YIPF1: variants seen among roughly 807,000 people sequenced by gnomAD.
The protein encoded by YIPF1 is protein YIPF1.
Under a neutral mutation model 37.0 loss-of-function variants are expected in YIPF1, and 22 were observed. The ratio of observed to expected loss-of-function variants is 0.59; its 90% CI spans 0.42 to 0.85. The LOEUF (loss-of-function observed/expected upper bound fraction) is 0.85, where lower values mean the gene tolerates loss of function less well. Ranked by LOEUF, YIPF1 falls within the 40% of genes least tolerant of loss-of-function variation. The pLI is 0.00. For missense variants in YIPF1, 355 were observed against 373.1 expected (o/e 0.95, Z 0.40); for synonymous variants, 128 against 131.9 (o/e 0.97, Z 0.21).
rs753871978 is a variant in YIPF1, at chr1:53,860,064, T to C, written c.921A>G (p.Ter307=). 6.2e-7 allele frequency: 1 copy of C among 1,614,090 alleles called. No homozygotes were observed. Among genetic ancestry groups the C allele is most frequent in the South Asian group, 1.1e-5 (1 of 91,080 alleles). ...AAAATAGAATCTCTTACTTTCCTCA[T>C]TAGCTGGACTTGGCTGCAGCAACTG... ...NQTVAAAKSS[*] The change falls in exon 10 of 11, where the codon TAA becomes TAG. Residue 307 remains the stop codon, a stop_retained_variant. Coordinates refer to ENST00000072644, the MANE Select transcript of YIPF1 (RefSeq NM_018982.5).
At chr1:53,865,644 C>T (rs954646731) in intron 9 of YIPF1, among the ~76,000 whole-genome samples, 9 of 152,138 alleles carry the variant, frequency 5.9e-5, no homozygotes, top group African/African-American at 1.9e-4. Flanking sequence ...CTCATCCACA[C>T]CTATTTCCTC....
At position 53,883,261 on chromosome 1, in the gene YIPF1, G is replaced by C. The variant is rs1225041081; in HGVS notation, c.47C>G (p.Ala16Gly). The C allele has an allele frequency of 6.4e-7, 1 of 1,569,012 alleles. No homozygotes were observed. Among genetic ancestry groups the C allele is most frequent in the Admixed American group, 2.0e-5 (1 of 50,236 alleles). ...DLQFEEFGNA[A>G]TSLTANPDAT... Reference sequence around the variant, plus strand: ...ATCTGGGTTTGCTGTCAGAGAAGTGGCTGCATTGCCAAATTCTGAAATCAA... The same window carrying C: ...ATCTGGGTTTGCTGTCAGAGAAGTGCCTGCATTGCCAAATTCTGAAATCAA... Residue 16 changes from alanine (A) to glycine (G), a missense_variant, in exon 4 of 11, where the codon GCC becomes GGC. Transcript: ENST00000072644.
chr1:53,860,277 T>G, intron 9 of YIPF1, 124 bp from the exon 10 acceptor site: 1 of 826,808 alleles, frequency 1.2e-6, no homozygotes, highest in Non-Finnish European at 1.9e-6. Flanking sequence ...CTACCATATT[T>G]GCCATCACAC....
At chr1:53,853,974 G>C (rs1411704127) in intron 10 of YIPF1, among the ~76,000 whole-genome samples, 1 of 152,162 alleles carries the variant, frequency 6.6e-6, no homozygotes, top group East Asian at 1.9e-4. Context: ...TCTCAGGTAG[G>C]CATGGTGACT....
chr1:53,873,984 T>C (rs12118172), intron 6 of YIPF1, among the ~76,000 whole-genome samples: 19,965 of 152,178 alleles, frequency 0.13, 1,482 homozygotes, highest in South Asian at 0.25. Flanking sequence ...TCAGGTGGCC[T>C]GAAAGGTCCA....
At chr1:53,886,847 T>A (rs1406938237) in intron 3 of YIPF1, 1 of 152,004 alleles carries the variant, frequency 6.6e-6, no homozygotes, top group South Asian at 2.1e-4. Flanking sequence ...GAGGAGAGAT[T>A]TGAACAGAGC....
chr1:53,872,959 C>T (rs1004247021), intron 6 of YIPF1, among the ~76,000 whole-genome samples: 1 of 152,086 alleles, frequency 6.6e-6, no homozygotes, highest in Admixed American at 6.5e-5. Context: ...CCCACAAAGC[C>T]CCTATAGCCA....
rs1419618285 is a variant in YIPF1, at chr1:53,883,142, G to C, written c.166C>G (p.Leu56Val). 1.3e-6 allele frequency: 2 copies of C among 1,589,974 alleles called. No homozygotes were observed. The highest frequency in any genetic ancestry group is 1.4e-5 in the African/African-American group (1 of 73,368). ...GSGREEDDEL[L>V]GNDDSDKTEL... ...GTTTTGTCAGAGTCATCATTTCCCAGTAACTCATCATCTTCTTCTCTTCCT... is the reference window on the plus strand; with the variant it reads ...GTTTTGTCAGAGTCATCATTTCCCACTAACTCATCATCTTCTTCTCTTCCT... The change falls in exon 4 of 11, where the codon CTG becomes GTG. Residue 56 changes from leucine to valine, a missense_variant. Coordinates refer to ENST00000072644, the MANE Select transcript of YIPF1 (RefSeq NM_018982.5).
At chr1:53,859,290 T>A (rs1321120922) in intron 10 of YIPF1, among the ~76,000 whole-genome samples, 1 of 152,192 alleles carries the variant, frequency 6.6e-6, no homozygotes, top group South Asian at 2.1e-4. Flanking sequence ...GGACACATGA[T>A]TAGTCAGCCA....
At chr1:53,864,623 G>T (rs1649970376) in intron 9 of YIPF1, among the ~76,000 whole-genome samples, 3 of 152,168 alleles carry the variant, frequency 2.0e-5, no homozygotes, top group Admixed American at 1.3e-4. Context: ...ACCTGACCAA[G>T]GGTCTGGAAA....
In YIPF1 at chr1:53,871,231, A is replaced by G. The variant is rs907260965; in HGVS notation, c.481+141T>C. On this transcript the variant is annotated intron_variant, in intron 7 of 10. Transcript: ENST00000072644. ...ATAGATGGGTGGTAAACTCATCTACACATTTGAGTAGATACATTGAACCCT... is the reference window on the plus strand; with the variant it reads ...ATAGATGGGTGGTAAACTCATCTACGCATTTGAGTAGATACATTGAACCCT... 3 of 638,152 alleles carry G rather than the reference A, an allele frequency of 4.7e-6. No individual in the cohort carries two copies. The African/African-American group carries it at 5.5e-5, about 12-fold the overall frequency. 39.5% of individuals were successfully genotyped at this position (638,152 alleles called of 1,614,324 possible).
rs139260965 is a variant in YIPF1 at position 53,867,043 on chromosome 1, G to A, written c.482-119C>T. On this transcript the variant is annotated intron_variant, in intron 7 of 10. Transcript: ENST00000072644. Reference sequence around the variant, plus strand: ...TGTCAATTGACTTCAGTGGACCACGGAATCATGTCTTACTGGTCTGTAATC... The same window carrying A: ...TGTCAATTGACTTCAGTGGACCACGAAATCATGTCTTACTGGTCTGTAATC... 4.0e-4 allele frequency: 479 copies of A among 1,208,502 alleles called. 3 individuals carry two copies. In the African/African-American group the frequency reaches 6.2e-3, roughly 16 times the overall value. The allele number at this position is 1,208,502 out of a possible 1,614,324, so 74.9% of individuals were successfully genotyped here.
chr1:53,861,223 C>T (rs1165900203), intron 9 of YIPF1, among the ~76,000 whole-genome samples: 1 of 152,210 alleles, frequency 6.6e-6, no homozygotes, highest in Admixed American at 6.5e-5. Context: ...GAGGCTTCCT[C>T]CTTAGGAACC....
At chr1:53,867,647 A>G (rs1650068426) in intron 7 of YIPF1, among the ~76,000 whole-genome samples, 1 of 152,042 alleles carries the variant, frequency 6.6e-6, no homozygotes, top group Non-Finnish European at 1.5e-5. Flanking sequence ...TACAGGCGTG[A>G]GCCACCACGC....
intron 10 of YIPF1, among the ~76,000 whole-genome samples, chr1:53,853,812 CTAAA>C (rs969291367): frequency 6.6e-6 from 1 of 152,178 alleles, no homozygotes; most frequent in Non-Finnish European, 1.5e-5. Flanking sequence ...TTCTGAAACG[CTAAA>C]TAAAGGTAGG....
At chr1:53,881,258 A>AG (rs890958707) in intron 4 of YIPF1, among the ~76,000 whole-genome samples, 17 of 149,624 alleles carry the variant, frequency 1.1e-4, no homozygotes, top group South Asian at 6.3e-4. Context: ...AAAAAAAAAA[A>AG]AAAGAAAAAG....
intron 7 of YIPF1, among the ~76,000 whole-genome samples, chr1:53,867,441 A>T (rs1650060811): frequency 7.6e-6 from 1 of 131,718 alleles, no homozygotes; most frequent in East Asian, 2.2e-4. Flanking sequence ...GGCGCGATCT[A>T]GGCTCACTGC....
At chr1:53,868,729 T>C (rs1271058620) in intron 7 of YIPF1, among the ~76,000 whole-genome samples, 1 of 152,184 alleles carries the variant, frequency 6.6e-6, no homozygotes, top group Non-Finnish European at 1.5e-5. Flanking sequence ...AAATGTTTAT[T>C]GATAGGGCCA....
chr1:53,855,267 A>G (rs1388854318), intron 10 of YIPF1, among the ~76,000 whole-genome samples: 1 of 151,856 alleles, frequency 6.6e-6, no homozygotes, highest in African/African-American at 2.4e-5. Flanking sequence ...TCCTCCGGAC[A>G]GCCCCACCTG....
Sources: gnomAD v4.1 joint callset for allele counts (sites outside exome capture counted in the v4.1 genomes callset) on GRCh38, gnomAD v4.1.1 for gene constraint, MANE v1.5 for transcripts, NCBI Gene and HGNC (gene_info 2026-07-23, HGNC 2026-07-21) for gene names.